The following PITPNM2 variants were observed in gnomAD, a reference collection of about 807,000 sequenced individuals.
PITPNM2 encodes the protein membrane-associated phosphatidylinositol transfer protein 2.
In PITPNM2, 35 loss-of-function variants were observed where a neutral mutation model predicts 132.2. The observed-to-expected ratio is 0.26, with a 90% CI of 0.20 to 0.35. PITPNM2 has a LOEUF of 0.35. Ranked by LOEUF, PITPNM2 falls within the 10% of genes least tolerant of loss-of-function variation. The probability of loss-of-function intolerance (pLI) is 1.00; values close to 1 mark genes in which losing one functional copy is unlikely to be tolerated. For missense variants in PITPNM2, 1,332 were observed against 1,912.0 expected (o/e 0.70, Z 5.66); for synonymous variants, 738 against 799.2 (o/e 0.92, Z 1.29).
Position 122,997,312 on chromosome 12 carries a change from A to T in PITPNM2, c.1472+13T>A. On this transcript the variant is annotated intron_variant, in intron 11 of 25. Transcript: ENST00000320201. ...ACTGCCGGAGGCTGCAATCAAGGGC[A>T]GATGCCACTCACTTGGAGACCAGGG... 6.2e-7 allele frequency: 1 copy of T among 1,612,128 alleles called. No homozygotes were observed. Among genetic ancestry groups the T allele is most frequent in the Non-Finnish European group, 8.5e-7 (1 of 1,179,754 alleles).
Position 122,986,754 on chromosome 12 carries a change from C to T in PITPNM2, c.3489G>A (p.Ala1163=), listed in dbSNP as rs377285132. Residue 1163 remains alanine (A), a synonymous_variant, in exon 24 of 26, where the codon GCG becomes GCA. Transcript: ENST00000320201. The part of the protein sequence containing the change: ...RPDMQKQRVV[A]WLAQHNFPHG... ...GGGGGAAGTTGTGCTGGGCCAGCCA[C>T]GCCACCACCCGCTGCTTCTGCATGT... 48 of 1,613,580 alleles carry T rather than the reference C, an allele frequency of 3.0e-5. No homozygotes were observed. The highest frequency in any genetic ancestry group is 6.7e-5 in the African/African-American group (5 of 75,074).
intron 2 of PITPNM2, among the ~76,000 whole-genome samples, chr12:123,063,232 T>G (rs1295653729): frequency 6.6e-6 from 1 of 152,222 alleles, no homozygotes; most frequent in Non-Finnish European, 1.5e-5. Context: ...TCCTCATCTC[T>G]GCAGTGTGGA....
In PITPNM2 at chr12:123,095,025, A is replaced by G. The variant is rs1172773721; in HGVS notation, c.-96+15360T>C. Among the ~76,000 whole-genome samples the G allele has an allele frequency of 2.6e-5, 4 of 152,212 alleles. No individual in the cohort carries two copies. In the South Asian group the frequency reaches 6.2e-4, roughly 24 times the overall value. ...AAGCAAGCATGTTTATCCTTCCCTC[A>G]TACAACACTTTTTCTTTGGTCACTT... On this transcript the variant is annotated intron_variant, in intron 2 of 25. Coordinates refer to ENST00000320201, the MANE Select transcript of PITPNM2 (RefSeq NM_020845.3). The surrounding 1 kb of genome is among the most constrained non-coding windows in gnomAD (Gnocchi z 5.0).
chr12:123,130,609 T>C (rs1230499960), intron 1 of PITPNM2, among the ~76,000 whole-genome samples: 3 of 152,052 alleles, frequency 2.0e-5, no homozygotes, highest in Non-Finnish European at 2.9e-5. Flanking sequence ...TGAAACCCCA[T>C]CTCTACTAAA....
chr12:123,079,964 C>G (rs1045986449), intron 2 of PITPNM2, among the ~76,000 whole-genome samples: 34 of 152,200 alleles, frequency 2.2e-4, no homozygotes, highest in African/African-American at 8.0e-4. Flanking sequence ...CCAATCTACT[C>G]TCTGTCTGTC....
intron 2 of PITPNM2, among the ~76,000 whole-genome samples, chr12:123,050,543 G>A (rs1161830686): frequency 6.6e-6 from 1 of 152,140 alleles, no homozygotes; most frequent in Non-Finnish European, 1.5e-5. Flanking sequence ...CAATAACCAG[G>A]TCCAAATGCT....
intron 2 of PITPNM2, among the ~76,000 whole-genome samples, chr12:123,080,056 C>T (rs775103246): frequency 1.3e-5 from 2 of 152,188 alleles, no homozygotes; most frequent in Non-Finnish European, 2.9e-5. Flanking sequence ...TTCTTTCACT[C>T]GGTATCCTGT....
Position 123,103,929 on chromosome 12 carries a change from G to T in PITPNM2, c.-96+6456C>A, listed in dbSNP as rs572757448. The stretch of plus-strand genomic sequence containing the variant: ...ATTTATTTATTTATTTATTTATTTT[G>T]AGATGGAGTTTCACTCTTGTTGCGC... On this transcript the variant is annotated intron_variant, in intron 2 of 25. Transcript: ENST00000320201. Among the ~76,000 whole-genome samples, 4 of 140,106 alleles carry T rather than the reference G, an allele frequency of 2.9e-5. No individual in the cohort carries two copies. The East Asian group carries it at 7.8e-4, about 27-fold the overall frequency. 91.9% of individuals were successfully genotyped at this position (140,106 alleles called of 152,430 possible). A position where few individuals can be genotyped will look rare whatever the true frequency, so the allele number is the denominator to read the frequency against.
intron 2 of PITPNM2, among the ~76,000 whole-genome samples, chr12:123,096,354 T>C (rs1468083033): frequency 1.3e-5 from 2 of 152,216 alleles, no homozygotes; most frequent in Admixed American, 6.5e-5. Flanking sequence ...CCACTTCCCA[T>C]GATTGGTGAC....
rs992441626 is a variant in PITPNM2, at chr12:123,078,350, C to T, written c.-96+32035G>A. 5.3e-5 allele frequency among the ~76,000 whole-genome samples: 8 copies of T among 152,112 alleles called. No homozygotes were observed. The highest frequency in any genetic ancestry group is 1.7e-4 in the African/African-American group (7 of 41,424). ...TACCGGCCAGACCGGTGGGCAAAAG[C>T]AGCAGCTGGTGGCCACCACCATGCC... On this transcript the variant is annotated intron_variant, in intron 2 of 25. Coordinates refer to ENST00000320201, the MANE Select transcript of PITPNM2 (RefSeq NM_020845.3). The surrounding 1 kb of genome is among the most constrained non-coding windows in gnomAD (Gnocchi z 7.3).
At chr12:123,113,735 T>C (rs1566299157) in intron 1 of PITPNM2, among the ~76,000 whole-genome samples, 1 of 151,140 alleles carries the variant, frequency 6.6e-6, no homozygotes, top group East Asian at 1.9e-4. Context: ...TCAAAGTATA[T>C]AGGTCTACGG....
rs1440577678 is a variant in PITPNM2, at chr12:123,036,403, A to T, written c.-95-1718T>A. ...CACAGCAGGTAGGAACGTCAGCCCG[A>T]AGCCCATTCAAATTCTCACATCCAT... On this transcript the variant is annotated intron_variant, in intron 2 of 25. Coordinates refer to ENST00000320201, the MANE Select transcript of PITPNM2 (RefSeq NM_020845.3). The surrounding 1 kb of genome is among the most constrained non-coding windows in gnomAD (Gnocchi z 4.1). Among the ~76,000 whole-genome samples the T allele has an allele frequency of 6.6e-6, 1 of 152,168 alleles. No individual in the cohort carries two copies. The highest frequency in any genetic ancestry group is 1.5e-5 in the Non-Finnish European group (1 of 68,024).
chr12:123,067,129 C>A lies in PITPNM2; in HGVS notation c.-95-32444G>T, dbSNP rs1259778933. 2.0e-5 allele frequency among the ~76,000 whole-genome samples: 3 copies of A among 152,220 alleles called. No individual in the cohort carries two copies. In the East Asian group the frequency reaches 5.8e-4, roughly 29 times the overall value. The stretch of plus-strand genomic sequence containing the variant: ...ACTGGATTGAGGATGGGCTCAAAAC[C>A]CAATGACTGGTGTTCTTATAAGAAG... On this transcript the variant is annotated intron_variant, in intron 2 of 25. Coordinates refer to ENST00000320201, the MANE Select transcript of PITPNM2 (RefSeq NM_020845.3).
intron 3 of PITPNM2, 192 bp downstream of exon 3, chr12:123,034,321 C>A: frequency 1.8e-6 from 1 of 542,546 alleles, no homozygotes. Flanking sequence ...TGATGCCGTG[C>A]GCCCATGGTG....
chr12:123,079,034 A>G (rs1465343365), intron 2 of PITPNM2, among the ~76,000 whole-genome samples: 2 of 152,146 alleles, frequency 1.3e-5, no homozygotes, highest in Non-Finnish European at 2.9e-5. Context: ...ACGTTCTACC[A>G]ACTGGCACTC....
In PITPNM2 at chr12:123,005,078, C is replaced by T. The variant is rs1002332445; in HGVS notation, c.952+162G>A. ...GCCCACTGGGGCAGGGCCCAGGCTT[C>T]CCTGTGTGCGAGGACTAGCCCAGGG... On this transcript the variant is annotated intron_variant, in intron 7 of 25. Transcript: ENST00000320201. This position sits in a 1 kb window ranked among gnomAD's most constrained non-coding sequence, Gnocchi z 6.2. 5.3e-5 allele frequency among the ~76,000 whole-genome samples: 8 copies of T among 152,164 alleles called. No individual in the cohort carries two copies. The highest frequency in any genetic ancestry group is 1.7e-4 in the African/African-American group (7 of 41,456).
chr12:122,985,977 G>A lies in PITPNM2; in HGVS notation c.*50C>T, dbSNP rs1014646654. ...CCAGGCCAGGCCTCCTGGCGGGGCTGGCCACCCTGGCCTAGCACCATGGAG... is the reference window on the plus strand; with the variant it reads ...CCAGGCCAGGCCTCCTGGCGGGGCTAGCCACCCTGGCCTAGCACCATGGAG... On this transcript the variant is annotated 3_prime_UTR_variant, in exon 26 of 26. Coordinates refer to ENST00000320201, the MANE Select transcript of PITPNM2 (RefSeq NM_020845.3). 2.2e-6 allele frequency: 3 copies of A among 1,351,084 alleles called. No individual in the cohort carries two copies. Among genetic ancestry groups the A allele is most frequent in the South Asian group, 1.8e-5 (1 of 56,942 alleles). 83.7% of individuals were successfully genotyped at this position (1,351,084 alleles called of 1,614,324 possible).
At chr12:123,148,379 C>T (rs537159081) in intron 1 of PITPNM2, among the ~76,000 whole-genome samples, 1 of 152,320 alleles carries the variant, frequency 6.6e-6, no homozygotes, top group Admixed American at 6.5e-5. Context: ...AGCAATACCA[C>T]TACGCTTACA....
At position 123,058,595 on chromosome 12, in the gene PITPNM2, C is replaced by T. The variant is rs1043956507; in HGVS notation, c.-95-23910G>A. ...TCCCTGCTGTCATTCTTGTTGTTCC[C>T]TGTTTGCGGTCCTCAGCTCCAAAGC... On this transcript the variant is annotated intron_variant, in intron 2 of 25. Coordinates refer to ENST00000320201, the MANE Select transcript of PITPNM2 (RefSeq NM_020845.3). The surrounding 1 kb of genome is among the most constrained non-coding windows in gnomAD (Gnocchi z 4.0). Among the ~76,000 whole-genome samples the T allele has an allele frequency of 3.3e-5, 5 of 152,190 alleles. No homozygotes were observed. Among genetic ancestry groups the T allele is most frequent in the African/African-American group, 4.8e-5 (2 of 41,442 alleles).
Sources: gnomAD v4.1 joint callset for allele counts (sites outside exome capture counted in the v4.1 genomes callset) on GRCh38, gnomAD v4.1.1 for gene constraint, Gnocchi (gnomAD v3.1) non-coding constraint, MANE v1.5 for transcripts, NCBI Gene and HGNC (gene_info 2026-07-23, HGNC 2026-07-21) for gene names.